MSMO1: variants seen among roughly 807,000 people sequenced by gnomAD.
MSMO1 encodes C-4 methylsterol oxidase.
MSMO1 carries 18 observed loss-of-function variants against 30.4 expected under a neutral mutation model. That is an observed-to-expected ratio of 0.59 (90% confidence interval 0.41 to 0.88). The LOEUF is 0.88. MSMO1 is among the 40% of genes least tolerant of loss of function. The pLI is 0.00. For missense variants in MSMO1, 284 were observed against 340.5 expected (o/e 0.83, Z 1.31); for synonymous variants, 84 against 107.9 (o/e 0.78, Z 1.37).
intron 2 of MSMO1, 54 bp downstream of exon 2, chr4:165,333,679 TA>T: frequency 6.7e-7 from 1 of 1,491,552 alleles, no homozygotes; most frequent in Non-Finnish European, 9.1e-7. Context: ...CTGAATATTT[TA>T]AAAGTACATA....
At chr4:165,337,639 A>T (rs891893357) in intron 2 of MSMO1, 150 bp from the exon 3 acceptor site, 2 of 744,540 alleles carry the variant, frequency 2.7e-6, no homozygotes, top group Non-Finnish European at 2.2e-6. Context: ...GTTGTCAAGA[A>T]TTTAGAAGGC....
chr4:165,333,956 C>T (rs978465078), intron 2 of MSMO1, among the ~76,000 whole-genome samples: 1 of 151,880 alleles, frequency 6.6e-6, no homozygotes, highest in African/African-American at 2.4e-5. Flanking sequence ...ATAGCAAGAC[C>T]CTGTCTCTAC....
chr4:165,341,695 C>A, intron 5 of MSMO1, 56 bp from the exon 6 acceptor site: 1 of 1,466,192 alleles, frequency 6.8e-7, no homozygotes, highest in African/African-American at 1.4e-5. Context: ...TTAATAAAAA[C>A]AACAATCATT....
In MSMO1 at chr4:165,342,251, C is replaced by T; in HGVS notation, c.*305C>T. ...GAAGTATTAATCTATGGCTTTTCTC[C>T]CAGTAAAACCATAGGCCTGAAGTTC... On this transcript the variant is annotated 3_prime_UTR_variant, in exon 6 of 6. Coordinates refer to ENST00000261507, the MANE Select transcript of MSMO1 (RefSeq NM_006745.5). 3.8e-6 allele frequency: 1 copy of T among 260,576 alleles called. No individual in the cohort carries two copies. The highest frequency in any genetic ancestry group is 5.0e-5 in the South Asian group (1 of 19,838). 16.1% of individuals were successfully genotyped at this position (260,576 alleles called of 1,614,324 possible).
At position 165,333,331 on chromosome 4, in the gene MSMO1, T is replaced by C; in HGVS notation, c.-31-9T>C. 1.9e-6 allele frequency: 3 copies of C among 1,605,192 alleles called. No homozygotes were observed. Among genetic ancestry groups the C allele is most frequent in the Non-Finnish European group, 2.6e-6 (3 of 1,175,322 alleles). Reference sequence around the variant, plus strand: ...GTTTAACTTATTATATATGTATTCATTTCTACAGAATTATAAGGCTGTCTG... The same window carrying C: ...GTTTAACTTATTATATATGTATTCACTTCTACAGAATTATAAGGCTGTCTG... On this transcript the variant is annotated splice_polypyrimidine_tract_variant and intron_variant, in intron 1 of 5. Coordinates refer to ENST00000261507, the MANE Select transcript of MSMO1 (RefSeq NM_006745.5).
At chr4:165,338,058 A>G in intron 3 of MSMO1, 121 bp downstream of exon 3, 2 of 909,866 alleles carry the variant, frequency 2.2e-6, no homozygotes, top group Non-Finnish European at 3.4e-6. Context: ...GAAGTAAATA[A>G]ATAGTAGAAA....
intron 3 of MSMO1, 101 bp downstream of exon 3, chr4:165,338,038 C>A: frequency 1.8e-6 from 2 of 1,133,996 alleles, no homozygotes; most frequent in Non-Finnish European, 2.6e-6. Context: ...AATGTTTGTT[C>A]TAAACTTTGG....
intron 5 of MSMO1, 108 bp downstream of exon 5, chr4:165,340,483 T>G (rs1747687409): frequency 1.1e-6 from 1 of 935,126 alleles, no homozygotes; most frequent in African/African-American, 1.7e-5. Context: ...GTTAATCTTC[T>G]TAATGTTATA....
intron 5 of MSMO1, 198 bp downstream of exon 5, chr4:165,340,573 A>G: frequency 1.7e-6 from 1 of 592,422 alleles, no homozygotes; most frequent in South Asian, 2.1e-5. Flanking sequence ...TAATTTTTAT[A>G]GTGATAATGT....
chr4:165,329,709 G>A (rs1047284470), intron 1 of MSMO1, among the ~76,000 whole-genome samples: 1 of 130,680 alleles, frequency 7.7e-6, no homozygotes, highest in East Asian at 2.2e-4. Flanking sequence ...ATCTCTGCTC[G>A]CTGCAACCTC....
At chr4:165,341,680 G>A (rs1326640428) in intron 5 of MSMO1, 71 bp from the exon 6 acceptor site, 12 of 1,396,974 alleles carry the variant, frequency 8.6e-6, no homozygotes, top group South Asian at 1.2e-5. Flanking sequence ...GTGAACACAT[G>A]ATTATTAATA....
intron 1 of MSMO1, among the ~76,000 whole-genome samples, chr4:165,332,902 T>G (rs531920876): frequency 6.6e-6 from 1 of 152,372 alleles, no homozygotes; most frequent in Non-Finnish European, 1.5e-5. Flanking sequence ...TTTGTCTTTC[T>G]ATTCCCCAGT....
chr4:165,329,435 A>G lies in MSMO1; in HGVS notation c.-32+1671A>G, dbSNP rs532188021. On this transcript the variant is annotated intron_variant, in intron 1 of 5. Transcript: ENST00000261507. ...CCTCACTAAATTTTATGTTTTATGA[A>G]CTCAGGGGTAAGGGCACCAGCTAGC... 1.3e-5 allele frequency among the ~76,000 whole-genome samples: 2 copies of G among 151,690 alleles called. 1 individual carries two copies.
intron 2 of MSMO1, among the ~76,000 whole-genome samples, chr4:165,335,405 C>G (rs1747511341): frequency 6.6e-6 from 1 of 152,188 alleles, no homozygotes; most frequent in African/African-American, 2.4e-5. Context: ...GGAGAGTACT[C>G]TGTGACCCTC....
intron 1 of MSMO1, among the ~76,000 whole-genome samples, chr4:165,328,506 TGGAGGCA>T (rs1560845099): frequency 6.6e-6 from 1 of 152,166 alleles, no homozygotes; most frequent in African/African-American, 2.4e-5. Flanking sequence ...AGGGCAAGCT[TGGAGGCA>T]GGGCAAGTCC....
intron 2 of MSMO1, among the ~76,000 whole-genome samples, chr4:165,334,481 G>GA (rs1359290543): frequency 2.6e-5 from 4 of 152,172 alleles, no homozygotes; most frequent in African/African-American, 9.7e-5. Context: ...AATACACTAC[G>GA]ACCTTGATCA....
At position 165,342,174 on chromosome 4, in the gene MSMO1, G is replaced by A. The variant is rs1025988709; in HGVS notation, c.*228G>A. The A allele has an allele frequency of 2.2e-5, 9 of 403,308 alleles. No individual in the cohort carries two copies. The highest frequency in any genetic ancestry group is 4.0e-5 in the Non-Finnish European group (9 of 222,320). 25.0% of individuals were successfully genotyped at this position (403,308 alleles called of 1,614,324 possible). ...ATATATTTAAGTACAGTTTTCATGA[G>A]GAAGTTTTAAAAGACCATGTTCCTA... On this transcript the variant is annotated 3_prime_UTR_variant, in exon 6 of 6. Transcript: ENST00000261507.
rs1323446033 is a variant in MSMO1, at chr4:165,327,689, C to T, written c.-107C>T. ...CACCCGGCTCCACCCCCAAGCCAGGCGAGGCAGGTTCCGAGGTTGGAACAC... is the reference window on the plus strand; with the variant it reads ...CACCCGGCTCCACCCCCAAGCCAGGTGAGGCAGGTTCCGAGGTTGGAACAC... On this transcript the variant is annotated 5_prime_UTR_variant, in exon 1 of 6. Coordinates refer to ENST00000261507, the MANE Select transcript of MSMO1 (RefSeq NM_006745.5). 1 of 152,268 alleles carries T rather than the reference C, an allele frequency of 6.6e-6. No homozygotes were observed. The highest frequency in any genetic ancestry group is 2.4e-5 in the African/African-American group (1 of 41,438). 9.4% of individuals were successfully genotyped at this position (152,268 alleles called of 1,614,324 possible).
intron 1 of MSMO1, among the ~76,000 whole-genome samples, chr4:165,330,055 A>T (rs1167306837): frequency 1.3e-5 from 2 of 152,348 alleles, no homozygotes; most frequent in Non-Finnish European, 2.9e-5. Flanking sequence ...ACCTTTTCAT[A>T]GAGCTTAGGT....
Sources: gnomAD v4.1 joint callset for allele counts (sites outside exome capture counted in the v4.1 genomes callset) on GRCh38, gnomAD v4.1.1 for gene constraint, MANE v1.5 for transcripts, NCBI Gene and HGNC (gene_info 2026-07-23, HGNC 2026-07-21) for gene names.